DSEL: variants seen among roughly 807,000 people sequenced by gnomAD.
DSEL encodes dermatan sulfate epimerase like, also known as dermatan-sulfate epimerase-like protein.
DSEL carries 61 observed loss-of-function variants against 96.6 expected under a neutral mutation model. The ratio of observed to expected loss-of-function variants is 0.63; its 90% CI spans 0.51 to 0.78. The LOEUF (loss-of-function observed/expected upper bound fraction) is 0.78, where lower values mean the gene tolerates loss of function less well. Among genes scored for constraint, DSEL ranks in the 30% least tolerant of loss-of-function variants. DSEL has a pLI of 0.00. For missense variants in DSEL, 1,320 were observed against 1,430.8 expected (o/e 0.92, Z 1.25); for synonymous variants, 514 against 502.0 (o/e 1.02, Z -0.32).
chr18:67,515,912 T>C (rs1163245823), intron 1 of DSEL, among the ~76,000 whole-genome samples: 2 of 152,058 alleles, frequency 1.3e-5, no homozygotes, highest in Non-Finnish European at 2.9e-5. Flanking sequence ...TTTTTTTTTT[T>C]TTTTTTTTTA....
At position 67,509,984 on chromosome 18, in the gene DSEL, A is replaced by C. The variant is rs2089432328; in HGVS notation, c.*986T>G. The C allele has an allele frequency of 6.5e-6, 1 of 152,788 alleles. No homozygotes were observed. The highest frequency in any genetic ancestry group is 2.1e-4 in the South Asian group (1 of 4,830). The allele number at this position is 152,788 out of a possible 1,614,324, so 9.5% of individuals were successfully genotyped here. On this transcript the variant is annotated 3_prime_UTR_variant, in exon 2 of 2. Transcript: ENST00000310045. ...CAGGCAGTTTTCCAATTCTGTTTCC[A>C]GTTTAAAAAGACACTGCAGTGGCAC...
rs2089454909 is a variant in DSEL, at chr18:67,513,285, C to A, written c.1324G>T (p.Gly442Ter). ...FVSFKSGKLG[G>*]RAVYDIVHFQ... ...TGAACTATGTCATACACAGCTCGTCCCCCCAGCTTCCCAGATTTAAAAGAC... is the reference window on the plus strand; with the variant it reads ...TGAACTATGTCATACACAGCTCGTCACCCCAGCTTCCCAGATTTAAAAGAC... Residue 442 changes from glycine (G) to a stop codon, truncating the protein, a stop_gained, in exon 2 of 2, where the codon GGA becomes TGA. Transcript: ENST00000310045. LOFTEE classifies it high-confidence loss of function. 6.2e-7 allele frequency: 1 copy of A among 1,614,188 alleles called. No individual in the cohort carries two copies. Among genetic ancestry groups the A allele is most frequent in the Non-Finnish European group, 8.5e-7 (1 of 1,180,042 alleles).
Position 67,511,351 on chromosome 18 carries a change from T to A in DSEL, c.3258A>T (p.Lys1086Asn). The A allele has an allele frequency of 6.2e-7, 1 of 1,604,460 alleles. No individual in the cohort carries two copies. The highest frequency in any genetic ancestry group is 1.1e-5 in the South Asian group (1 of 91,084). Residue 1086 changes from lysine to asparagine, a missense_variant, in exon 2 of 2, where the codon AAA becomes AAT. Physicochemically the swap from Lys to Asn is moderately conservative, Grantham distance 94. Around this residue, in one of 3 missense-constraint regions of DSEL, gnomAD observed 986 missense variants for 1,066.4 expected, o/e 0.92. Coordinates refer to ENST00000310045, the MANE Select transcript of DSEL (RefSeq NM_032160.3). Reference protein sequence around the residue: ...GYAFEYEPLRKELSKSKSNAV... With the variant: ...GYAFEYEPLRNELSKSKSNAV... ...CATTTGATTTGGATTTTGATAATTC[T>A]TTCCTCAATGGTTCATACTCGAAAG... is the stretch of plus-strand genomic sequence containing the variant.
chr18:67,509,128 T>C lies in DSEL; in HGVS notation c.*1842A>G, dbSNP rs1365145232. The stretch of plus-strand genomic sequence containing the variant: ...GCTTGCTACCTGCATGCAATTGTAA[T>C]TCCTACCTTGATCAGATCTAATACT... On this transcript the variant is annotated 3_prime_UTR_variant, in exon 2 of 2. Coordinates refer to ENST00000310045, the MANE Select transcript of DSEL (RefSeq NM_032160.3). 6.6e-6 allele frequency: 1 copy of C among 152,222 alleles called. No individual in the cohort carries two copies. Among genetic ancestry groups the C allele is most frequent in the Non-Finnish European group, 1.5e-5 (1 of 68,050 alleles). The allele number at this position is 152,222 out of a possible 1,614,324, so 9.4% of individuals were successfully genotyped here.
In DSEL at chr18:67,512,358, C is replaced by T. The variant is rs780285287; in HGVS notation, c.2251G>A (p.Gly751Ser). The change falls in exon 2 of 2, where the codon GGC becomes AGC. Residue 751 changes from glycine (G) to serine (S), a missense_variant. Physicochemically the swap from Gly to Ser is moderately conservative, Grantham distance 56. Transcript: ENST00000310045. ...ACAGGCTTTACTATTGCTTGAGTGCCCAAACCAAATCGGGTTATTTGGCCT... is the reference window on the plus strand; with the variant it reads ...ACAGGCTTTACTATTGCTTGAGTGCTCAAACCAAATCGGGTTATTTGGCCT... ...DQGQITRFGL[G>S]TQAIVKPVRH... The T allele has an allele frequency of 1.6e-5, 26 of 1,614,038 alleles. No homozygotes were observed. Among genetic ancestry groups the T allele is most frequent in the Non-Finnish European group, 2.0e-5 (24 of 1,180,046 alleles).
chr18:67,512,795 A>G lies in DSEL; in HGVS notation c.1814T>C (p.Leu605Ser). 2 of 1,614,014 alleles carry G rather than the reference A, an allele frequency of 1.2e-6. No individual in the cohort carries two copies. Among genetic ancestry groups the G allele is most frequent in the Admixed American group, 1.7e-5 (1 of 60,024 alleles). Reference protein sequence around the residue: ...INSVSAFFHNLDIDFKYIPYK... With the variant: ...INSVSAFFHNSDIDFKYIPYK... ...TGGGATATATTTAAAATCAATATCC[A>G]AATTATGAAAGAAGGCACTGACAGA... Residue 605 changes from leucine (L) to serine (S), a missense_variant, in exon 2 of 2, where the codon TTG becomes TCG. By Grantham distance (145) the Leu-to-Ser change is moderately radical. This residue lies in a region of DSEL where 986 missense variants were observed against 1,066.4 expected (regional missense o/e 0.92). Coordinates refer to ENST00000310045, the MANE Select transcript of DSEL (RefSeq NM_032160.3).
chr18:67,506,864 AT>A lies in DSEL; in HGVS notation c.*4105del, dbSNP rs1392700602. Reference sequence around the variant, plus strand: ...CTCAAGTGTTTCAGAGAATGTTAGAATCTATTGTTTGAAGTGTCTATTGTAC... The same window carrying A: ...CTCAAGTGTTTCAGAGAATGTTAGAACTATTGTTTGAAGTGTCTATTGTAC... On this transcript the variant is annotated 3_prime_UTR_variant, in exon 2 of 2. Coordinates refer to ENST00000310045, the MANE Select transcript of DSEL (RefSeq NM_032160.3). 1 of 152,222 alleles carries A rather than the reference AT, an allele frequency of 6.6e-6. No homozygotes were observed. Among genetic ancestry groups the A allele is most frequent in the Admixed American group, 6.5e-5 (1 of 15,280 alleles). The allele number at this position is 152,222 out of a possible 1,614,324, so 9.4% of individuals were successfully genotyped here.
chr18:67,512,955 CA>C lies in DSEL; in HGVS notation c.1653del (p.Phe551LeufsTer2), dbSNP rs1183038036. ...TAAGCAGACACGGCTTCCCCACTCA[CA>C]AATACCATTTCCCCATGTTGAGAGG... Reference protein sequence around the residue: ...ITASQHGEMVFVSGEAVSAYS... With the variant: ...ITASQHGEMVXVSGEAVSAYS... On this transcript the variant is annotated frameshift_variant, in exon 2 of 2. Coordinates refer to ENST00000310045, the MANE Select transcript of DSEL (RefSeq NM_032160.3). LOFTEE classifies it high-confidence loss of function. 1 of 1,614,080 alleles carries C rather than the reference CA, an allele frequency of 6.2e-7. No homozygotes were observed. Among genetic ancestry groups the C allele is most frequent in the African/African-American group, 1.3e-5 (1 of 74,916 alleles).
Position 67,513,429 on chromosome 18 carries a change from G to GA in DSEL, c.1179dup (p.Pro394SerfsTer10), listed in dbSNP as rs749640997. On this transcript the variant is annotated frameshift_variant, in exon 2 of 2. Transcript: ENST00000310045. LOFTEE classifies it high-confidence loss of function. ...GCAGGTGGCTGTGGTGTGAGCTGGGGATCATACCAGATGTATTCAGTGTGA... is the reference window on the plus strand; with the variant it reads ...GCAGGTGGCTGTGGTGTGAGCTGGGGAATCATACCAGATGTATTCAGTGTGA... The GA allele has an allele frequency of 5.0e-6, 8 of 1,614,016 alleles. No individual in the cohort carries two copies. Among genetic ancestry groups the GA allele is most frequent in the Admixed American group, 1.7e-5 (1 of 59,990 alleles).
rs202189573 is a variant in DSEL at position 67,512,026 on chromosome 18, A to C, written c.2583T>G (p.Pro861=). The C allele has an allele frequency of 1.2e-5, 20 of 1,614,100 alleles. No individual in the cohort carries two copies. The highest frequency in any genetic ancestry group is 1.6e-5 in the Non-Finnish European group (19 of 1,180,014). Residue 861 remains proline, a synonymous_variant, in exon 2 of 2, where the codon CCT becomes CCG. Transcript: ENST00000310045. ...GTTTGAGAATTTCAGCTCCTGAACC[A>C]GGAAGTGAGGTAATGACAACATCAG... ...DLPDVVITSL[P]GSGAEILKQL...
At position 67,511,941 on chromosome 18, in the gene DSEL, T is replaced by C. The variant is rs748544533; in HGVS notation, c.2668A>G (p.Ile890Val). 40 of 1,614,054 alleles carry C rather than the reference T, an allele frequency of 2.5e-5. No homozygotes were observed. The highest frequency in any genetic ancestry group is 2.1e-5 in the Non-Finnish European group (25 of 1,180,036). Residue 890 changes from isoleucine to valine, a missense_variant, in exon 2 of 2, where the codon ATT (isoleucine) becomes GTT (valine). Physicochemically the swap from Ile to Val is conservative, Grantham distance 29. Transcript: ENST00000310045. Reference protein sequence around the residue: ...YIRVPTAYIDIPETELEIDSF... With the variant: ...YIRVPTAYIDVPETELEIDSF... Reference sequence around the variant, plus strand: ...TCGATTTCCAACTCAGTTTCAGGAATATCAATGTAGGCTGTAGGAACCCTG... The same window carrying C: ...TCGATTTCCAACTCAGTTTCAGGAACATCAATGTAGGCTGTAGGAACCCTG...
In DSEL at chr18:67,512,181, C is replaced by T; in HGVS notation, c.2428G>A (p.Ala810Thr). Residue 810 changes from alanine to threonine, a missense_variant, in exon 2 of 2, where the codon GCC (alanine) becomes ACC (threonine). By Grantham distance (58) the Ala-to-Thr change is moderately conservative (BLOSUM62 0). Around this residue, in one of 3 missense-constraint regions of DSEL, gnomAD observed 986 missense variants for 1,066.4 expected, o/e 0.92. Coordinates refer to ENST00000310045, the MANE Select transcript of DSEL (RefSeq NM_032160.3). ...LMRWILILVI[A>T]LWFIELLDVW... ...TCCAAAAGCTCAATAAACCACAAGG[C>T]AATAACAAGTATTAATATCCATCGC... 6.2e-7 allele frequency: 1 copy of T among 1,614,124 alleles called. No individual in the cohort carries two copies. Among genetic ancestry groups the T allele is most frequent in the Non-Finnish European group, 8.5e-7 (1 of 1,180,028 alleles).
Position 67,511,283 on chromosome 18 carries a change from G to C in DSEL, c.3326C>G (p.Ala1109Gly). ...CAAATCTGTATTTATTCTCAAGGCT[G>C]CTGCTGTATTTGCTAGCCACAAGTG... ...LSHLWLANTA[A>G]ALRINTDLLP... Residue 1109 changes from alanine (A) to glycine (G), a missense_variant, in exon 2 of 2, where the codon GCA becomes GGA. This residue lies in a region of DSEL where 986 missense variants were observed against 1,066.4 expected (regional missense o/e 0.92). Coordinates refer to ENST00000310045, the MANE Select transcript of DSEL (RefSeq NM_032160.3). The C allele has an allele frequency of 6.2e-7, 1 of 1,610,260 alleles. No homozygotes were observed. Among genetic ancestry groups the C allele is most frequent in the Non-Finnish European group, 8.5e-7 (1 of 1,179,986 alleles).
At position 67,508,731 on chromosome 18, in the gene DSEL, C is replaced by CTTTTTTTTT. The variant is rs71171183; in HGVS notation, c.*2230_*2238dup. ...TGCCAACAGGTACATTTCTTTTTTT[C>CTTTTTTTTT]TTTTTTTTTTTTTTTTGAGGCGGAG... is the stretch of plus-strand genomic sequence containing the variant. On this transcript the variant is annotated 3_prime_UTR_variant, in exon 2 of 2. Coordinates refer to ENST00000310045, the MANE Select transcript of DSEL (RefSeq NM_032160.3). 6.3e-5 allele frequency: 8 copies of CTTTTTTTTT among 126,808 alleles called. 2 individuals carry two copies. The highest frequency in any genetic ancestry group is 4.8e-5 in the Non-Finnish European group (3 of 62,722). The allele number at this position is 126,808 out of a possible 1,614,324, so 7.9% of individuals were successfully genotyped here. A position where few individuals can be genotyped will look rare whatever the true frequency, so the allele number is the denominator to read the frequency against.
At position 67,511,144 on chromosome 18, in the gene DSEL, G is replaced by T. The variant is rs138447200; in HGVS notation, c.3465C>A (p.Asn1155Lys). The T allele has an allele frequency of 1.2e-6, 2 of 1,614,142 alleles. No homozygotes were observed. Among genetic ancestry groups the T allele is most frequent in the South Asian group, 1.1e-5 (1 of 91,070 alleles). Residue 1155 changes from asparagine (N) to lysine (K), a missense_variant, in exon 2 of 2, where the codon AAC becomes AAA. Asn to Lys is a moderately conservative substitution (Grantham distance 94, BLOSUM62 0). Transcript: ENST00000310045. ...TTGTAGAGGTGGCAAACAATATTTG[G>T]TTTAAACTAGCAGGAGACAAAGGAA... Reference protein sequence around the residue: ...LGIPLSPASLNQILFATSTNL... With the variant: ...LGIPLSPASLKQILFATSTNL...
Position 67,514,790 on chromosome 18 carries a change from GA to G in DSEL, c.-183del. On this transcript the variant is annotated 5_prime_UTR_variant, in exon 2 of 2. Transcript: ENST00000310045. The stretch of plus-strand genomic sequence containing the variant: ...TAAGCAAGTGCAGTTGCCAAAAAGA[GA>G]AAACTTAAATTGTATATCTCTGTCC... 1 of 665,988 alleles carries G rather than the reference GA, an allele frequency of 1.5e-6. No homozygotes were observed. Among genetic ancestry groups the G allele is most frequent in the Admixed American group, 3.3e-5 (1 of 30,440 alleles). 41.3% of individuals were successfully genotyped at this position (665,988 alleles called of 1,614,324 possible). A position where few individuals can be genotyped will look rare whatever the true frequency, so the allele number is the denominator to read the frequency against.
At position 67,509,905 on chromosome 18, in the gene DSEL, A is replaced by T. The variant is rs1472724591; in HGVS notation, c.*1065T>A. On this transcript the variant is annotated 3_prime_UTR_variant, in exon 2 of 2. Transcript: ENST00000310045. ...TGACATCATCTCCCATTTGCTTTCAACTTTTGCAGACACTGGCAGTCTGTA... is the reference window on the plus strand; with the variant it reads ...TGACATCATCTCCCATTTGCTTTCATCTTTTGCAGACACTGGCAGTCTGTA... 1 of 152,668 alleles carries T rather than the reference A, an allele frequency of 6.6e-6. No individual in the cohort carries two copies. The highest frequency in any genetic ancestry group is 1.5e-5 in the Non-Finnish European group (1 of 68,040). 9.5% of individuals were successfully genotyped at this position (152,668 alleles called of 1,614,324 possible).
Position 67,514,611 on chromosome 18 carries a change from T to A in DSEL, c.-3A>T, listed in dbSNP as rs1304484553. On this transcript the variant is annotated 5_prime_UTR_variant, in exon 2 of 2. Coordinates refer to ENST00000310045, the MANE Select transcript of DSEL (RefSeq NM_032160.3). ...TGTCCTGTAAACATTAACGCCATGA[T>A]CCATGGGGGAGCTCCTCCCTTAGGC... 6.2e-7 allele frequency: 1 copy of A among 1,613,698 alleles called. No individual in the cohort carries two copies. Among genetic ancestry groups the A allele is most frequent in the East Asian group, 2.2e-5 (1 of 44,876 alleles).
At position 67,514,251 on chromosome 18, in the gene DSEL, T is replaced by C. The variant is rs1164351391; in HGVS notation, c.358A>G (p.Ile120Val). 2.5e-6 allele frequency: 4 copies of C among 1,614,036 alleles called. No homozygotes were observed. The African/African-American group carries it at 5.3e-5, about 22-fold the overall frequency. The change falls in exon 2 of 2, where the codon ATT (isoleucine) becomes GTT (valine). Residue 120 changes from isoleucine to valine, a missense_variant. This residue lies in a region of DSEL where 323 missense variants were observed against 333.1 expected (regional missense o/e 0.97). Coordinates refer to ENST00000310045, the MANE Select transcript of DSEL (RefSeq NM_032160.3). ...HADFAAKWNE[I>V]YGNNLPPLAL... ...AAAGGAGGCAGATTGTTACCATAAA[T>C]TTCATTCCACTTGGCAGCAAAATCA...
Sources: allele counts gnomAD v4.1 joint callset (sites outside exome capture counted in the v4.1 genomes callset), GRCh38; gene constraint gnomAD v4.1.1; regional missense constraint gnomAD v4.1.1; transcripts MANE v1.5; gene names NCBI Gene and HGNC (gene_info 2026-07-23, HGNC 2026-07-21).